The following HTRA4 variants were observed in gnomAD, a reference collection of about 807,000 sequenced individuals.
HTRA4 encodes HtrA serine peptidase 4.
In HTRA4, 46 loss-of-function variants were observed where a neutral mutation model predicts 49.1. The ratio of observed to expected loss-of-function variants is 0.94; its 90% CI spans 0.74 to 1.20. The LOEUF is 1.20. HTRA4 is among the 50% of genes most tolerant of loss of function. HTRA4 has a pLI of 0.00. For missense variants in HTRA4, 602 were observed against 636.9 expected (o/e 0.95, Z 0.59); for synonymous variants, 261 against 264.0 (o/e 0.99, Z 0.11).
rs1360133930 is a variant in HTRA4, at chr8:38,974,462, C to G, written c.199C>G (p.Arg67Gly). 2.0e-6 allele frequency: 3 copies of G among 1,534,482 alleles called. No homozygotes were observed. Among genetic ancestry groups the G allele is most frequent in the South Asian group, 2.4e-5 (2 of 83,114 alleles). ...LGTTPVFDLC[R>G]CCRVCPAAER... is the part of the protein sequence containing the mutation. ...GACCACGCCGGTGTTCGACCTGTGC[C>G]GCTGTTGCCGCGTCTGCCCCGCGGC... is the stretch of plus-strand genomic sequence containing the variant. The change falls in exon 1 of 9, where the codon CGC becomes GGC. Residue 67 changes from arginine (R) to glycine (G), a missense_variant. Transcript: ENST00000302495.
chr8:38,976,828 C>A, intron 3 of HTRA4, 89 bp downstream of exon 3: 1 of 1,197,790 alleles, frequency 8.3e-7, no homozygotes, highest in Non-Finnish European at 1.2e-6. Context: ...ACTCTCACAC[C>A]ACATCTTTTC....
rs1835317967 is a variant in HTRA4, at chr8:38,974,529, C to T, written c.266C>T (p.Ala89Val). The change falls in exon 1 of 9, where the codon GCC (alanine) becomes GTC (valine). Residue 89 changes from alanine to valine, a missense_variant. Ala to Val is a moderately conservative substitution (Grantham distance 64). Transcript: ENST00000302495. ...VCGGAQGQPC[A>V]PGLQCLQPLR... ...GGCGGGGCGCAGGGCCAACCGTGCG[C>T]CCCGGGGCTGCAGTGCCTCCAGCCG... 7.0e-7 allele frequency: 1 copy of T among 1,426,000 alleles called. No homozygotes were observed. Among genetic ancestry groups the T allele is most frequent in the Non-Finnish European group, 9.1e-7 (1 of 1,102,022 alleles). 88.3% of individuals were successfully genotyped at this position (1,426,000 alleles called of 1,614,324 possible). A position where few individuals can be genotyped will look rare whatever the true frequency, so the allele number is the denominator to read the frequency against.
chr8:38,976,484 T>C, intron 2 of HTRA4, 51 bp from the exon 3 acceptor site: 1 of 1,534,472 alleles, frequency 6.5e-7, no homozygotes, highest in South Asian at 1.1e-5. Context: ...TATATGGCTG[T>C]ATCCCCTAAC....
rs1835441703 is a variant in HTRA4 at position 38,982,939 on chromosome 8, C to T, written c.1173-14C>T. 1.3e-6 allele frequency: 2 copies of T among 1,570,274 alleles called. No individual in the cohort carries two copies. The highest frequency in any genetic ancestry group is 1.4e-5 in the African/African-American group (1 of 73,900). Reference sequence around the variant, plus strand: ...GACTAATTCATTGTTTCCTAATCTTCTCACTTCTCTTAGCCTTAGTGAAGA... The same window carrying T: ...GACTAATTCATTGTTTCCTAATCTTTTCACTTCTCTTAGCCTTAGTGAAGA... On this transcript the variant is annotated splice_polypyrimidine_tract_variant and intron_variant, in intron 7 of 8. Coordinates refer to ENST00000302495, the MANE Select transcript of HTRA4 (RefSeq NM_153692.4).
Position 38,977,982 on chromosome 8 carries a change from A to G in HTRA4, c.801A>G (p.Arg267=), listed in dbSNP as rs886964736. 2 of 1,614,116 alleles carry G rather than the reference A, an allele frequency of 1.2e-6. No individual in the cohort carries two copies. Among genetic ancestry groups the G allele is most frequent in the South Asian group, 2.2e-5 (2 of 91,070 alleles). ...AACTTCCTGTACTGATGCTGGGAAG[A>G]TCATCTGACCTTCGGGCTGGAGAGT... ...NAELPVLMLG[R]SSDLRAGEFV... The change falls in exon 4 of 9, where the codon AGA becomes AGG. Residue 267 remains arginine (R), a synonymous_variant. Transcript: ENST00000302495.
rs1397098657 is a variant in HTRA4, at chr8:38,977,819, T to TAAGG, written c.772-134_772-133insAAGG. 17 of 738,610 alleles carry TAAGG rather than the reference T, an allele frequency of 2.3e-5. No homozygotes were observed. The African/African-American group carries it at 2.9e-4, about 13-fold the overall frequency. 45.8% of individuals were successfully genotyped at this position (738,610 alleles called of 1,614,324 possible). On this transcript the variant is annotated intron_variant, in intron 3 of 8. Coordinates refer to ENST00000302495, the MANE Select transcript of HTRA4 (RefSeq NM_153692.4). ...CAATCATAGAAGCTGTGTGAGTGGG[T>TAAGG]GCTTCTCAGGTGGTAAGGGCCAAGG...
chr8:38,976,416 G>T, intron 2 of HTRA4, 119 bp from the exon 3 acceptor site: 1 of 973,938 alleles, frequency 1.0e-6, no homozygotes, highest in East Asian at 2.5e-5. Flanking sequence ...AAAAAGAAAA[G>T]AAAAGAAAAC....
rs148539008 is a variant in HTRA4, at chr8:38,975,033, A to T, written c.469A>T (p.Thr157Ser). Residue 157 changes from threonine (T) to serine (S), a missense_variant and splice_region_variant, in exon 2 of 9, where the codon ACC becomes TCC. Physicochemically the swap from Thr to Ser is moderately conservative, Grantham distance 58. Transcript: ENST00000302495. ...VQWGNCGDTG[T>S]RSAGPLRRNY... ...CTTGAGCCAGTATTTTTTCATAGGG[A>T]CCAGAAGCGCAGGCCCGCTCAGGAG... is the stretch of plus-strand genomic sequence containing the variant. 9 of 1,613,752 alleles carry T rather than the reference A, an allele frequency of 5.6e-6. No homozygotes were observed. The highest frequency in any genetic ancestry group is 4.0e-5 in the African/African-American group (3 of 74,816).
chr8:38,986,819 G>C (rs1182039968), intron 8 of HTRA4, among the ~76,000 whole-genome samples: 7 of 152,214 alleles, frequency 4.6e-5, no homozygotes, highest in Non-Finnish European at 8.8e-5. Context: ...GAAAGACCCA[G>C]GATGAAATCC....
chr8:38,975,376 A>G lies in HTRA4; in HGVS notation c.566+246A>G, dbSNP rs972204105. Among the ~76,000 whole-genome samples the G allele has an allele frequency of 4.1e-4, 63 of 152,162 alleles. 1 individual carries two copies. Among genetic ancestry groups the G allele is most frequent in the African/African-American group, 1.4e-3 (60 of 41,446 alleles). ...GTGCTTTTTCCCCCTCCTGCCACAG[A>G]CAAAATTTAAGGTCAGATATAAGAG... On this transcript the variant is annotated intron_variant, in intron 2 of 8. Coordinates refer to ENST00000302495, the MANE Select transcript of HTRA4 (RefSeq NM_153692.4).
In HTRA4 at chr8:38,977,973, GCTGGGAAGATCAT is replaced by G. The variant is rs1462127307; in HGVS notation, c.796_808del (p.Gly266ThrfsTer38). 1 of 1,614,030 alleles carries G rather than the reference GCTGGGAAGATCAT, an allele frequency of 6.2e-7. No homozygotes were observed. The highest frequency in any genetic ancestry group is 2.2e-5 in the East Asian group (1 of 44,884). On this transcript the variant is annotated frameshift_variant, in exon 4 of 9. Transcript: ENST00000302495. LOFTEE classifies it high-confidence loss of function. ...TGCAGGCTGAACTTCCTGTACTGAT[GCTGGGAAGATCAT>G]CTGACCTTCGGGCTGGAGAGTTTGT...
Position 38,981,717 on chromosome 8 carries a change from C to G in HTRA4, c.1064C>G (p.Ser355Ter). The G allele has an allele frequency of 6.2e-7, 1 of 1,613,498 alleles. No individual in the cohort carries two copies. The highest frequency in any genetic ancestry group is 8.5e-7 in the Non-Finnish European group (1 of 1,179,954). Residue 355 changes from serine (S) to a stop codon, truncating the protein, a stop_gained, in exon 6 of 9, where the codon TCA (serine) becomes TGA (stop). Transcript: ENST00000302495. LOFTEE classifies it high-confidence loss of function. ...VTDGISFAIP[S>*]DRVRQFLAEY... ...GATGGAATCTCCTTTGCAATTCCTT[C>G]AGATCGAGTTAGGCAGTTCTTGGCA... is the stretch of plus-strand genomic sequence containing the variant.
At chr8:38,978,482 T>C (rs943408640) in intron 4 of HTRA4, among the ~76,000 whole-genome samples, 2 of 152,120 alleles carry the variant, frequency 1.3e-5, no homozygotes, top group African/African-American at 4.8e-5. Flanking sequence ...GCCAAAAAGT[T>C]TGGGGATTGC....
rs1461581936 is a variant in HTRA4 at position 38,987,993 on chromosome 8, T to C, written c.1326T>C (p.Thr442=). 3.7e-6 allele frequency: 6 copies of C among 1,611,688 alleles called. No individual in the cohort carries two copies. Among genetic ancestry groups the C allele is most frequent in the Admixed American group, 1.7e-5 (1 of 59,620 alleles). ...ACATAAATGGGAAACCTATTACTACTACAACTGATGTTGTTAAAGCTCTTG... is the reference window on the plus strand; with the variant it reads ...ACATAAATGGGAAACCTATTACTACCACAACTGATGTTGTTAAAGCTCTTG... The part of the protein sequence containing the change: ...IVNINGKPIT[T]TTDVVKALDS... The change falls in exon 9 of 9, where the codon ACT becomes ACC. Residue 442 remains threonine, a synonymous_variant. Coordinates refer to ENST00000302495, the MANE Select transcript of HTRA4 (RefSeq NM_153692.4).
intron 5 of HTRA4, among the ~76,000 whole-genome samples, chr8:38,980,257 T>C (rs1835401731): frequency 6.6e-6 from 1 of 152,176 alleles, no homozygotes; most frequent in Non-Finnish European, 1.5e-5. Context: ...TTAGAATGAA[T>C]TTTATGCAAA....
intron 8 of HTRA4, 91 bp from the exon 9 acceptor site, chr8:38,987,845 G>A: frequency 1.8e-6 from 2 of 1,111,662 alleles, no homozygotes. Flanking sequence ...GCAAAATAGT[G>A]CCATTAAGAC....
At chr8:38,981,789 T>A (rs1453384733) in intron 6 of HTRA4, 22 bp downstream of exon 6, 2 of 1,536,536 alleles carry the variant, frequency 1.3e-6, no homozygotes, top group Admixed American at 1.7e-5. Flanking sequence ...TGGGATTTTT[T>A]TTTTTTTGGT....
intron 1 of HTRA4, 126 bp from the exon 2 acceptor site, chr8:38,974,905 G>T: frequency 1.6e-6 from 2 of 1,252,796 alleles, no homozygotes; most frequent in Non-Finnish European, 2.3e-6. Context: ...GCTCTTTACC[G>T]GCTGCTACGT....
chr8:38,988,194 T>C lies in HTRA4; in HGVS notation c.*96T>C. 2 of 1,185,340 alleles carry C rather than the reference T, an allele frequency of 1.7e-6. No individual in the cohort carries two copies. The highest frequency in any genetic ancestry group is 1.7e-5 in the South Asian group (1 of 58,870). 73.4% of individuals were successfully genotyped at this position (1,185,340 alleles called of 1,614,324 possible). ...TGTGCCAAACATGGCAAGAAGTTTTTGGATCTTTTTCTTACAAAGAAAAAT... is the reference window on the plus strand; with the variant it reads ...TGTGCCAAACATGGCAAGAAGTTTTCGGATCTTTTTCTTACAAAGAAAAAT... On this transcript the variant is annotated 3_prime_UTR_variant, in exon 9 of 9. Transcript: ENST00000302495.
Sources: gnomAD v4.1 joint callset for allele counts (sites outside exome capture counted in the v4.1 genomes callset) on GRCh38, gnomAD v4.1.1 for gene constraint, MANE v1.5 for transcripts, NCBI Gene and HGNC (gene_info 2026-07-23, HGNC 2026-07-21) for gene names.